The following ZFHX3 variants were observed in gnomAD, a reference collection of about 807,000 sequenced individuals.
The protein encoded by ZFHX3 is zinc finger homeobox protein 3.
Under a neutral mutation model 279.1 loss-of-function variants are expected in ZFHX3, and 42 were observed. The observed-to-expected ratio is 0.15, with a 90% CI of 0.12 to 0.19. The LOEUF (loss-of-function observed/expected upper bound fraction) is 0.19, where lower values mean the gene tolerates loss of function less well. Ranked by LOEUF, ZFHX3 falls within the 10% of genes least tolerant of loss-of-function variation. The pLI, the probability that ZFHX3 is intolerant of heterozygous loss-of-function variation, is 1.00. For synonymous variants in ZFHX3, 2,293 were observed against 1,957.8 expected (o/e 1.17, Z -4.52); for missense variants, 4,981 against 4,754.0 (o/e 1.05, Z -1.40).
At chr16:73,548,551 C>G (rs1447773942) in intron 2 of ZFHX3, among the ~76,000 whole-genome samples, 1 of 150,982 alleles carries the variant, frequency 6.6e-6, no homozygotes, top group Non-Finnish European at 1.5e-5. Context: ...TATTAATGCT[C>G]GTATACAAAG....
intron 1 of ZFHX3, among the ~76,000 whole-genome samples, chr16:73,733,437 A>G (rs1247406296): frequency 2.6e-5 from 4 of 152,200 alleles, no homozygotes; most frequent in Non-Finnish European, 5.9e-5. Flanking sequence ...GTTTCAGTAA[A>G]AACAGATGTT....
chr16:72,877,035 C>T (rs1484354454), intron 4 of ZFHX3, among the ~76,000 whole-genome samples: 2 of 152,140 alleles, frequency 1.3e-5, no homozygotes, highest in Non-Finnish European at 2.9e-5. Context: ...GACTGGATGC[C>T]CTGCCCCTGC....
chr16:73,460,382 G>T (rs1248638690), intron 2 of ZFHX3, among the ~76,000 whole-genome samples: 1 of 152,080 alleles, frequency 6.6e-6, no homozygotes, highest in Non-Finnish European at 1.5e-5. Context: ...GAGGACAACT[G>T]GATTGTTTCT....
chr16:73,138,320 C>T (rs1021815949), intron 6 of ZFHX3, among the ~76,000 whole-genome samples: 2 of 152,084 alleles, frequency 1.3e-5, no homozygotes, highest in South Asian at 2.1e-4. Context: ...AGTTAATCAA[C>T]GTTTGGGCCC....
At chr16:73,000,765 C>T (rs1444657987) in intron 1 of ZFHX3, among the ~76,000 whole-genome samples, 3 of 152,194 alleles carry the variant, frequency 2.0e-5, no homozygotes, top group Non-Finnish European at 2.9e-5. Context: ...AGCGGATGGG[C>T]GTCAGATCAT....
At chr16:73,657,484 T>C (rs1364214195) in intron 2 of ZFHX3, among the ~76,000 whole-genome samples, 1 of 152,038 alleles carries the variant, frequency 6.6e-6, no homozygotes, top group Non-Finnish European at 1.5e-5. Context: ...AAATGTACAA[T>C]TCATTGGATT....
rs959743472 is a variant in ZFHX3, at chr16:72,929,240, A to T, written c.3216+21229T>A. On this transcript the variant is annotated intron_variant, in intron 3 of 9. Coordinates refer to ENST00000268489, the MANE Select transcript of ZFHX3 (RefSeq NM_006885.4). ...GCGACAGAGCCGCCAGACCCTGTCT[A>T]AAAAAAAAAAAAAAAAAGAGTGAGG... Among the ~76,000 whole-genome samples, 794 of 136,506 alleles carry T rather than the reference A, an allele frequency of 5.8e-3. 9 individuals are homozygous for T. The highest frequency in any genetic ancestry group is 0.02 in the African/African-American group (747 of 37,420). The allele number at this position is 136,506 out of a possible 152,430, so 89.6% of individuals were successfully genotyped here. A position where few individuals can be genotyped will look rare whatever the true frequency, so the allele number is the denominator to read the frequency against.
In ZFHX3 at chr16:72,811,997, C is replaced by T. The variant is rs2143596565; in HGVS notation, c.3571G>A (p.Ala1191Thr). Reference sequence around the variant, plus strand: ...GGGAAGGAGATGCGTTTGGAGGTTGCAGGAGAATCTGTCAGCTCCTTCTCT... The same window carrying T: ...GGGAAGGAGATGCGTTTGGAGGTTGTAGGAGAATCTGTCAGCTCCTTCTCT... Reference protein sequence around the residue: ...QAEKELTDSPATSKRISFPGS... With the variant: ...QAEKELTDSPTTSKRISFPGS... Residue 1191 changes from alanine to threonine, a missense_variant, in exon 6 of 10, where the codon GCA becomes ACA. Transcript: ENST00000268489. 1 of 1,614,126 alleles carries T rather than the reference C, an allele frequency of 6.2e-7. No homozygotes were observed.
At chr16:73,239,700 G>A (rs1172186698) in intron 5 of ZFHX3, among the ~76,000 whole-genome samples, 1 of 152,140 alleles carries the variant, frequency 6.6e-6, no homozygotes, top group Non-Finnish European at 1.5e-5. Context: ...AAGGAACGGG[G>A]ATGATTTCCT....
chr16:72,800,053 T>A lies in ZFHX3; in HGVS notation c.3941A>T (p.Asn1314Ile). The A allele has an allele frequency of 6.2e-7, 1 of 1,614,134 alleles. No homozygotes were observed. Among genetic ancestry groups the A allele is most frequent in the Non-Finnish European group, 8.5e-7 (1 of 1,180,028 alleles). The change falls in exon 8 of 10, where the codon AAT becomes ATT. Residue 1314 changes from asparagine (N) to isoleucine (I), a missense_variant. Around this residue, in one of 7 missense-constraint regions of ZFHX3, gnomAD observed 1,751 missense variants for 1,770.0 expected, o/e 0.99. Transcript: ENST00000268489. ...AGGCTGCTTTCCTGCCTCTTCCAAA[T>A]TGGAATTCCCATCTCGATCTGGAAC... ...AAVPDRDGNS[N>I]LEEAGKQPET...
At position 72,882,978 on chromosome 16, in the gene ZFHX3, GTGTGTGTGT is replaced by G. The variant is rs2038524134; in HGVS notation, c.3448+6744_3448+6752del. On this transcript the variant is annotated intron_variant, in intron 4 of 9. Transcript: ENST00000268489. ...TTTTTGGCCTTCACACCACTCTGGGGTGTGTGTGTGTGTGTGTGTGTGTGTGTGTGTGTG... is the reference window on the plus strand; with the variant it reads ...TTTTTGGCCTTCACACCACTCTGGGGGTGTGTGTGTGTGTGTGTGTGTGTG... Among the ~76,000 whole-genome samples the G allele has an allele frequency of 6.9e-5, 2 of 29,168 alleles. 1 individual carries two copies. Among genetic ancestry groups the G allele is most frequent in the African/African-American group, 2.1e-4 (2 of 9,744 alleles). The allele number at this position is 29,168 out of a possible 152,430, so 19.1% of individuals were successfully genotyped here.
At position 73,238,298 on chromosome 16, in the gene ZFHX3, T is replaced by C. The variant is rs930053304; in HGVS notation, c.-1104+18749A>G. ...TCATCTATAGGCTGATCATCAATTA[T>C]CATCTCCATCCCAAACCACTCTCCT... On this transcript the variant is annotated intron_variant, in intron 5 of 17. Transcript: ENST00000641206. Among the ~76,000 whole-genome samples, 13 of 152,118 alleles carry C rather than the reference T, an allele frequency of 8.5e-5. No individual in the cohort carries two copies. The South Asian group carries it at 2.7e-3, about 32-fold the overall frequency.
intron 3 of ZFHX3, among the ~76,000 whole-genome samples, chr16:73,355,441 T>G (rs1460798841): frequency 1.3e-5 from 2 of 152,152 alleles, no homozygotes; most frequent in African/African-American, 4.8e-5. Flanking sequence ...AGCCACAGAC[T>G]CCTTCAACTA....
intron 2 of ZFHX3, among the ~76,000 whole-genome samples, chr16:73,663,961 G>A (rs2052810262): frequency 1.3e-5 from 2 of 152,166 alleles, no homozygotes; most frequent in African/African-American, 4.8e-5. Context: ...GAGCTCAGAG[G>A]AACTTTGGGG....
chr16:73,507,485 CTTTTTT>C (rs752001880), intron 2 of ZFHX3, among the ~76,000 whole-genome samples: 14 of 79,790 alleles, frequency 1.8e-4, no homozygotes, highest in Admixed American at 9.5e-4. Context: ...AGCTCTGCCA[CTTTTTT>C]TTTTTTTTTT....
intron 3 of ZFHX3, among the ~76,000 whole-genome samples, chr16:73,437,564 G>T (rs894622334): frequency 1.3e-5 from 2 of 152,230 alleles, no homozygotes; most frequent in East Asian, 1.9e-4. Flanking sequence ...TACCTCATCA[G>T]TATTAGTGTG....
intron 5 of ZFHX3, among the ~76,000 whole-genome samples, chr16:73,164,421 C>T (rs559779116): frequency 6.6e-5 from 10 of 152,228 alleles, no homozygotes; most frequent in Admixed American, 2.6e-4. Flanking sequence ...AATGTGGGGC[C>T]GGGCATGGTG....
chr16:73,090,452 G>C (rs1966059375), intron 8 of ZFHX3, among the ~76,000 whole-genome samples: 1 of 152,112 alleles, frequency 6.6e-6, no homozygotes, highest in South Asian at 2.1e-4. Context: ...TTTTTCATAA[G>C]GCAAAAAGTA....
chr16:72,860,975 T>C (rs953472464), intron 4 of ZFHX3, among the ~76,000 whole-genome samples: 6 of 152,194 alleles, frequency 3.9e-5, no homozygotes, highest in African/African-American at 1.2e-4. Flanking sequence ...TTTTCCCAAG[T>C]TACAGACACC....
Sources: gnomAD v4.1 joint callset for allele counts (sites outside exome capture counted in the v4.1 genomes callset) on GRCh38, gnomAD v4.1.1 for gene constraint, gnomAD v4.1.1 regional missense constraint, MANE v1.5 for transcripts, NCBI Gene and HGNC (gene_info 2026-07-23, HGNC 2026-07-21) for gene names.